The following GLIS3 variants were observed in gnomAD, a reference collection of about 807,000 sequenced individuals.
GLIS3 encodes the protein zinc finger protein GLIS3.
In GLIS3, 53 loss-of-function variants were observed where a neutral mutation model predicts 78.6. The observed-to-expected ratio is 0.67, with a 90% CI of 0.54 to 0.85. GLIS3 has a LOEUF of 0.85. Ranked by LOEUF, GLIS3 falls within the 40% of genes least tolerant of loss-of-function variation. The probability of loss-of-function intolerance (pLI) is 0.00; values close to 1 mark genes in which losing one functional copy is unlikely to be tolerated. For synonymous variants in GLIS3, 684 were observed against 509.9 expected, an observed-to-expected ratio of 1.34 and a Z score of -4.60; for missense variants, 1,703 against 1,231.1, an observed-to-expected ratio of 1.38 and a Z score of -5.74.
At chr9:4,408,376 A>T in the GLIS3 span, among the ~76,000 whole-genome samples, 1 of 151,742 alleles carries the variant, frequency 6.6e-6, no homozygotes, top group Non-Finnish European at 1.5e-5. Context: ...TAGAGAATAG[A>T]ACGATGGTTA....
At chr9:4,246,778 C>T (rs1487400439) in intron 2 of GLIS3, among the ~76,000 whole-genome samples, 1 of 152,166 alleles carries the variant, frequency 6.6e-6, no homozygotes, top group Non-Finnish European at 1.5e-5. Flanking sequence ...AGTTCTTAAA[C>T]GGGTTTTTCA....
At chr9:3,922,800 T>G (rs1281068519) in intron 6 of GLIS3, among the ~76,000 whole-genome samples, 1 of 152,066 alleles carries the variant, frequency 6.6e-6, no homozygotes, top group Non-Finnish European at 1.5e-5. Context: ...TATCTCAAAT[T>G]TCAGTAAGGT....
At chr9:4,222,124 C>A (rs1821378963) in intron 2 of GLIS3, among the ~76,000 whole-genome samples, 1 of 152,240 alleles carries the variant, frequency 6.6e-6, no homozygotes, top group South Asian at 2.1e-4. Flanking sequence ...TCCCTTCCTC[C>A]CTCCCTCTTC....
At chr9:4,448,012 G>A in the GLIS3 span, among the ~76,000 whole-genome samples, 83,455 of 151,964 alleles carry the variant, frequency 0.55, 23,782 homozygotes, top group South Asian at 0.72. Context: ...TCAGCTTCCC[G>A]AAGAGTTGAG....
the GLIS3 span, among the ~76,000 whole-genome samples, chr9:4,482,791 G>C: frequency 1.3e-5 from 2 of 151,940 alleles, no homozygotes; most frequent in Non-Finnish European, 2.9e-5. Context: ...TTTTTAAAAA[G>C]GGAAAAAAAT....
intron 2 of GLIS3, among the ~76,000 whole-genome samples, chr9:4,212,961 C>A (rs547142682): frequency 6.6e-6 from 1 of 152,194 alleles, no homozygotes; most frequent in East Asian, 1.9e-4. Context: ...ATGGAAGAAG[C>A]CAAAACTAGA....
Position 3,826,808 on chromosome 9 carries a change from G to GA in GLIS3, c.*1463dup, listed in dbSNP as rs1303001462. 2 of 152,148 alleles carry GA rather than the reference G, an allele frequency of 1.3e-5. No homozygotes were observed. The highest frequency in any genetic ancestry group is 1.3e-4 in the Admixed American group (2 of 15,278). The allele number at this position is 152,148 out of a possible 1,614,324, so 9.4% of individuals were successfully genotyped here. On this transcript the variant is annotated 3_prime_UTR_variant, in exon 11 of 11. Coordinates refer to ENST00000381971, the MANE Select transcript of GLIS3 (RefSeq NM_001042413.2). ...AATGGCATTGTTTCACTTTTGTTCA[G>GA]AAAAACATTTTTAAAAAGTGAGAAA...
chr9:4,121,620 GACACACACACACACACACACAC>G (rs767610111), intron 3 of GLIS3, among the ~76,000 whole-genome samples: 7 of 142,216 alleles, frequency 4.9e-5, no homozygotes, highest in Admixed American at 4.2e-4. Context: ...TTCTCCCAGT[GACACACACACACACACACACAC>G]ACACACACAC....
At chr9:3,935,278 G>T (rs192387372) in intron 5 of GLIS3, among the ~76,000 whole-genome samples, 2 of 152,124 alleles carry the variant, frequency 1.3e-5, no homozygotes, top group East Asian at 3.9e-4. Context: ...AATTTAAACA[G>T]GAGCTAGTTT....
At chr9:3,998,786 A>G (rs957310933) in intron 4 of GLIS3, among the ~76,000 whole-genome samples, 1 of 148,578 alleles carries the variant, frequency 6.7e-6, no homozygotes, top group Non-Finnish European at 1.5e-5. Flanking sequence ...TATTAATAAT[A>G]TTTTAATAAA....
At chr9:4,265,783 T>C (rs1825943377) in intron 2 of GLIS3, among the ~76,000 whole-genome samples, 1 of 152,144 alleles carries the variant, frequency 6.6e-6, no homozygotes. Context: ...TTACCCACAG[T>C]ATGAGTTTTC....
At chr9:4,356,764 C>T in the GLIS3 span, among the ~76,000 whole-genome samples, 5 of 152,044 alleles carry the variant, frequency 3.3e-5, no homozygotes, top group Admixed American at 6.6e-5. Flanking sequence ...TGCTGATGAA[C>T]CAAAAGCTGA....
chr9:4,059,894 C>G (rs553321014), intron 4 of GLIS3, among the ~76,000 whole-genome samples: 1 of 140,278 alleles, frequency 7.1e-6, no homozygotes, highest in Admixed American at 7.1e-5. Context: ...CTCCTACTAG[C>G]TCAAAAAATA....
At chr9:4,120,845 C>CTA (rs1290632844) in intron 3 of GLIS3, among the ~76,000 whole-genome samples, 1 of 152,156 alleles carries the variant, frequency 6.6e-6, no homozygotes, top group Non-Finnish European at 1.5e-5. Context: ...TGTTATCCAC[C>CTA]TATATATACT....
the GLIS3 span, among the ~76,000 whole-genome samples, chr9:4,458,475 G>A: frequency 2.6e-5 from 4 of 152,192 alleles, no homozygotes; most frequent in Non-Finnish European, 4.4e-5. Context: ...GGTGGTGGAA[G>A]TAGAGTGTGT....
chr9:4,192,803 A>C (rs537131007), intron 2 of GLIS3, among the ~76,000 whole-genome samples: 1 of 87,796 alleles, frequency 1.1e-5, no homozygotes, highest in Non-Finnish European at 2.8e-5. Context: ...TTCTAATACA[A>C]TATTTAAAAA....
chr9:4,307,180 G>A (rs1004250753), intron 4 of GLIS3, among the ~76,000 whole-genome samples: 5 of 152,084 alleles, frequency 3.3e-5, no homozygotes, highest in African/African-American at 1.2e-4. Flanking sequence ...ATGAGTGGTG[G>A]AGGTGAGAGG....
At chr9:3,832,706 A>G (rs1818118973) in intron 9 of GLIS3, among the ~76,000 whole-genome samples, 1 of 152,226 alleles carries the variant, frequency 6.6e-6, no homozygotes, top group South Asian at 2.1e-4. Flanking sequence ...TTGGTCTACT[A>G]GAATGTAATC....
chr9:3,962,959 GA>G lies in GLIS3; in HGVS notation c.1711-25771del, dbSNP rs369930133. 2.7e-3 allele frequency among the ~76,000 whole-genome samples: 357 copies of G among 134,274 alleles called. 2 individuals carry two copies. The highest frequency in any genetic ancestry group is 8.3e-3 in the African/African-American group (267 of 32,304). The allele number at this position is 134,274 out of a possible 152,430, so 88.1% of individuals were successfully genotyped here. On this transcript the variant is annotated intron_variant, in intron 4 of 10. Transcript: ENST00000381971. ...TGCTGTGATTTAAGGGGGGGGGGGG[GA>G]GAGAGATTTATTGAGGTATAAAAAG...
Sources: gnomAD v4.1 joint callset for allele counts (sites outside exome capture counted in the v4.1 genomes callset) on GRCh38, gnomAD v4.1.1 for gene constraint, MANE v1.5 for transcripts, NCBI Gene and HGNC (gene_info 2026-07-23, HGNC 2026-07-21) for gene names.